The following PTPRD variants were observed in gnomAD, a reference collection of about 807,000 sequenced individuals.
The protein encoded by PTPRD is protein tyrosine phosphatase receptor type D.
In PTPRD, 34 loss-of-function variants were observed where a neutral mutation model predicts 214.5. The observed-to-expected ratio is 0.16, with a 90% CI of 0.12 to 0.21. The LOEUF is 0.21. PTPRD is among the 10% of genes least tolerant of loss of function. The probability of loss-of-function intolerance (pLI) is 1.00; values close to 1 mark genes in which losing one functional copy is unlikely to be tolerated. For missense variants in PTPRD, 2,545 were observed against 2,398.7 expected (o/e 1.06, Z -1.27); for synonymous variants, 1,128 against 845.7 (o/e 1.33, Z -5.79).
intron 9 of PTPRD, among the ~76,000 whole-genome samples, chr9:9,329,310 T>C (rs1056711245): frequency 7.9e-5 from 12 of 152,260 alleles, no homozygotes; most frequent in African/African-American, 2.6e-4. Context: ...GAGAAAAAGA[T>C]TTATTCAGAG....
intron 8 of PTPRD, among the ~76,000 whole-genome samples, chr9:9,560,968 C>T (rs1356151007): frequency 2.0e-5 from 3 of 152,084 alleles, no homozygotes; most frequent in Admixed American, 6.5e-5. Flanking sequence ...ATCTGCAAGA[C>T]AGGTAGCCTT....
At position 8,376,040 on chromosome 9, in the gene PTPRD, C is replaced by G. The variant is rs2134824920; in HGVS notation, c.4557G>C (p.Trp1519Cys). 1 of 1,612,888 alleles carries G rather than the reference C, an allele frequency of 6.2e-7. No homozygotes were observed. Among genetic ancestry groups the G allele is most frequent in the Non-Finnish European group, 8.5e-7 (1 of 1,179,282 alleles). ...GGTGTTCTGGAACACCATGATCAGG[C>G]CAGGCGGTGAACTGGAATTGTCTCA... ...REVRQFQFTA[W>C]PDHGVPEHPT... The change falls in exon 39 of 46, where the codon TGG becomes TGC. Residue 1519 changes from tryptophan (W) to cysteine (C), a missense_variant. Trp to Cys is a radical substitution (Grantham distance 215, BLOSUM62 -2). Transcript: ENST00000381196.
At position 10,146,931 on chromosome 9, in the gene PTPRD, A is replaced by C. The variant is rs1211938270; in HGVS notation, c.-544-113141T>G. Among the ~76,000 whole-genome samples the C allele has an allele frequency of 2.6e-5, 4 of 152,190 alleles. No homozygotes were observed. The East Asian group carries it at 7.7e-4, about 29-fold the overall frequency. ...ATAGGGACATGAATGTGCTGCTGACAGAGACAGTTGATAAGCCAAGATCTT... is the reference window on the plus strand; with the variant it reads ...ATAGGGACATGAATGTGCTGCTGACCGAGACAGTTGATAAGCCAAGATCTT... On this transcript the variant is annotated intron_variant, in intron 3 of 45. Coordinates refer to ENST00000381196, the MANE Select transcript of PTPRD (RefSeq NM_002839.4).
chr9:10,392,365 T>A (rs972449938), intron 2 of PTPRD, among the ~76,000 whole-genome samples: 2 of 151,932 alleles, frequency 1.3e-5, no homozygotes, highest in Non-Finnish European at 2.9e-5. Context: ...TGAGATCACC[T>A]GATTAGATAA....
chr9:8,582,652 C>A (rs748695555), intron 14 of PTPRD, among the ~76,000 whole-genome samples: 3 of 152,054 alleles, frequency 2.0e-5, no homozygotes, highest in African/African-American at 7.2e-5. Flanking sequence ...CTACTAGGCA[C>A]CAGTGGGGGG....
At chr9:8,539,961 C>T (rs1483704658) in intron 14 of PTPRD, among the ~76,000 whole-genome samples, 3 of 152,026 alleles carry the variant, frequency 2.0e-5, no homozygotes, top group Non-Finnish European at 4.4e-5. Context: ...TATGATGCAT[C>T]AGTGTTTACT....
intron 3 of PTPRD, among the ~76,000 whole-genome samples, chr9:10,311,127 T>C (rs530691320): frequency 2.6e-5 from 4 of 151,986 alleles, no homozygotes; most frequent in Admixed American, 6.6e-5. Flanking sequence ...ACATGTGGTA[T>C]GCAATCAGCA....
chr9:9,255,869 G>C (rs2099977492), intron 9 of PTPRD, among the ~76,000 whole-genome samples: 1 of 151,930 alleles, frequency 6.6e-6, no homozygotes, highest in South Asian at 2.1e-4. Context: ...CCCCTTGTTT[G>C]ACTTCAGGAT....
chr9:8,636,836 T>C lies in PTPRD; in HGVS notation c.73A>G (p.Arg25Gly). The change falls in exon 13 of 46, where the codon AGG becomes GGG. Residue 25 changes from arginine to glycine, a missense_variant. Coordinates refer to ENST00000381196, the MANE Select transcript of PTPRD (RefSeq NM_002839.4). ...FLRTDAETPP[R>G]FTRTPVDQTG... ...TGATCAACGGGTGTTCGTGTAAACC[T>C]TGGAGGTGCTGAAATAAAAAATAAA... is the stretch of plus-strand genomic sequence containing the variant. 5.6e-6 allele frequency: 9 copies of C among 1,612,526 alleles called. No individual in the cohort carries two copies. Among genetic ancestry groups the C allele is most frequent in the South Asian group, 5.5e-5 (5 of 90,970 alleles).
At chr9:9,694,589 C>T (rs1055857974) in intron 7 of PTPRD, among the ~76,000 whole-genome samples, 92 of 151,974 alleles carry the variant, frequency 6.1e-4, no homozygotes, top group African/African-American at 2.1e-3. Flanking sequence ...AGATGCTGTC[C>T]GGAAGCCAGG....
chr9:10,582,135 G>A (rs961122754), intron 2 of PTPRD, among the ~76,000 whole-genome samples: 1 of 152,092 alleles, frequency 6.6e-6, no homozygotes, highest in African/African-American at 2.4e-5. Flanking sequence ...TATGTCATGT[G>A]GGATCTAACC....
intron 3 of PTPRD, among the ~76,000 whole-genome samples, chr9:10,312,963 A>T (rs960808604): frequency 6.6e-6 from 1 of 152,008 alleles, no homozygotes; most frequent in Non-Finnish European, 1.5e-5. Flanking sequence ...CCCATCCTTT[A>T]GTCTGTCAAT....
rs185150381 is a variant in PTPRD, at chr9:9,735,385, G to C, written c.-325-814C>G. 3.1e-3 allele frequency among the ~76,000 whole-genome samples: 475 copies of C among 152,116 alleles called. 2 individuals carry two copies. The highest frequency in any genetic ancestry group is 0.011 in the African/African-American group (459 of 41,536). On this transcript the variant is annotated intron_variant, in intron 6 of 45. Coordinates refer to ENST00000381196, the MANE Select transcript of PTPRD (RefSeq NM_002839.4). ...TGGTAGCCTTTTCCTTTTGTCTTGG[G>C]AATCGAGTTTGAAACTACACATTTG...
At chr9:9,676,689 G>A (rs1274976281) in intron 7 of PTPRD, among the ~76,000 whole-genome samples, 3 of 152,080 alleles carry the variant, frequency 2.0e-5, no homozygotes, top group African/African-American at 7.2e-5. Context: ...CTAGATCCCT[G>A]AGGAATCGCC....
At chr9:9,322,554 T>A (rs145901030) in intron 9 of PTPRD, among the ~76,000 whole-genome samples, 2 of 152,288 alleles carry the variant, frequency 1.3e-5, no homozygotes, top group African/African-American at 4.8e-5. Context: ...TGGTATTATC[T>A]TACGCATCCA....
At chr9:9,279,880 C>T (rs1468062775) in intron 9 of PTPRD, among the ~76,000 whole-genome samples, 1 of 151,086 alleles carries the variant, frequency 6.6e-6, no homozygotes, top group Non-Finnish European at 1.5e-5. Context: ...AAAATTCACT[C>T]ACGCCACTCT....
At chr9:9,557,152 T>C (rs993185574) in intron 8 of PTPRD, among the ~76,000 whole-genome samples, 1 of 152,158 alleles carries the variant, frequency 6.6e-6, no homozygotes. Context: ...GCTCCCGCAA[T>C]TGACTTGTAT....
chr9:10,257,835 G>A (rs1241896171), intron 3 of PTPRD, among the ~76,000 whole-genome samples: 1 of 152,164 alleles, frequency 6.6e-6, no homozygotes, highest in East Asian at 1.9e-4. Context: ...ATGTTAAGAT[G>A]CTAATGGTCA....
At chr9:9,915,193 C>A (rs2080361535) in intron 5 of PTPRD, among the ~76,000 whole-genome samples, 1 of 152,070 alleles carries the variant, frequency 6.6e-6, no homozygotes. Context: ...GCCCACACAC[C>A]CTACCAAACT....
Sources: allele counts gnomAD v4.1 joint callset (sites outside exome capture counted in the v4.1 genomes callset), GRCh38; gene constraint gnomAD v4.1.1; transcripts MANE v1.5; gene names NCBI Gene and HGNC (gene_info 2026-07-23, HGNC 2026-07-21).